RBPJ: variants seen among roughly 807,000 people sequenced by gnomAD.
The protein encoded by RBPJ is recombination signal binding protein for immunoglobulin kappa J region.
In RBPJ, 9 loss-of-function variants were observed where a neutral mutation model predicts 67.8. The observed-to-expected ratio is 0.13, with a 90% CI of 0.08 to 0.23. RBPJ has a LOEUF of 0.23. Ranked by LOEUF, RBPJ falls within the 10% of genes least tolerant of loss-of-function variation. The pLI is 1.00. For missense variants in RBPJ, 305 were observed against 595.6 expected (o/e 0.51, Z 5.08); for synonymous variants, 198 against 203.3 (o/e 0.97, Z 0.22).
the RBPJ span, chr4:26,113,160 T>A: frequency 2.2e-5 from 5 of 231,254 alleles, no homozygotes; most frequent in East Asian, 4.9e-4. Flanking sequence ...CCCATGAATA[T>A]AAATTGAGTG....
At chr4:26,369,625 C>T (rs921954933) in intron 1 of RBPJ, among the ~76,000 whole-genome samples, 1 of 152,076 alleles carries the variant, frequency 6.6e-6, no homozygotes, top group African/African-American at 2.4e-5. Flanking sequence ...GCTCATATTC[C>T]ACAGAAGAAA....
chr4:26,259,457 A>G (rs541689747), intron 1 of RBPJ, among the ~76,000 whole-genome samples: 81 of 152,322 alleles, frequency 5.3e-4, no homozygotes, highest in African/African-American at 1.9e-3. Flanking sequence ...GACCACTTCC[A>G]TCTCTTGGTA....
intron 1 of RBPJ, among the ~76,000 whole-genome samples, chr4:26,164,751 A>G (rs1716201698): frequency 6.6e-6 from 1 of 152,198 alleles, no homozygotes; most frequent in Non-Finnish European, 1.5e-5. Flanking sequence ...CTGCACAAAA[A>G]GAGTTAAAAA....
chr4:26,133,239 G>A, the RBPJ span, among the ~76,000 whole-genome samples: 1 of 152,206 alleles, frequency 6.6e-6, no homozygotes, highest in Non-Finnish European at 1.5e-5. Flanking sequence ...TCTTGACTTT[G>A]GGAATTCGTT....
At chr4:26,308,851 C>T (rs1315385486) in intron 1 of RBPJ, among the ~76,000 whole-genome samples, 1 of 152,040 alleles carries the variant, frequency 6.6e-6, no homozygotes, top group Non-Finnish European at 1.5e-5. Flanking sequence ...GTGATAAAGG[C>T]CATCTGTGTT....
intron 1 of RBPJ, among the ~76,000 whole-genome samples, chr4:26,255,146 T>C (rs1447548932): frequency 1.3e-5 from 2 of 148,588 alleles, no homozygotes; most frequent in African/African-American, 5.0e-5. Flanking sequence ...GGCTCACGCC[T>C]GTAATCCCAG....
chr4:26,174,684 G>T (rs1716733374), intron 1 of RBPJ, among the ~76,000 whole-genome samples: 1 of 152,052 alleles, frequency 6.6e-6, no homozygotes, highest in Admixed American at 6.6e-5. Context: ...TGGCAAGGCT[G>T]GTCTCGAACT....
At chr4:26,286,052 T>TGATCGTGCCGCTGCAGTGCGCTAA (rs1721454713) in intron 1 of RBPJ, among the ~76,000 whole-genome samples, 1 of 152,186 alleles carries the variant, frequency 6.6e-6, no homozygotes, top group Non-Finnish European at 1.5e-5. Context: ...CAGTGCGCTA[T>TGATCGTGCCGCTGCAGTGCGCTAA]GATCGTGCCG....
chr4:26,330,024 G>A (rs1724068849), intron 1 of RBPJ, among the ~76,000 whole-genome samples: 1 of 152,170 alleles, frequency 6.6e-6, no homozygotes, highest in African/African-American at 2.4e-5. Flanking sequence ...ACCCCCTTCA[G>A]AAGGGAGGGT....
chr4:26,348,240 C>G (rs1419601706), intron 1 of RBPJ, among the ~76,000 whole-genome samples: 1 of 152,156 alleles, frequency 6.6e-6, no homozygotes, highest in Non-Finnish European at 1.5e-5. Context: ...GGATTACAGG[C>G]CTGAGCCATC....
intron 7 of RBPJ, among the ~76,000 whole-genome samples, chr4:26,427,247 G>GT (rs1735769651): frequency 6.6e-6 from 1 of 152,158 alleles, no homozygotes; most frequent in African/African-American, 2.4e-5. Flanking sequence ...GACTCTTAAG[G>GT]TTTTTGGATT....
chr4:26,239,327 G>C (rs759228226), intron 1 of RBPJ, among the ~76,000 whole-genome samples: 1 of 152,156 alleles, frequency 6.6e-6, no homozygotes, highest in South Asian at 2.1e-4. Context: ...ATTTCTTTCT[G>C]AATAAGCAGT....
chr4:26,321,092 G>C (rs372180812), intron 1 of RBPJ, 44 bp downstream of exon 1: 62 of 1,504,380 alleles, frequency 4.1e-5, no homozygotes, highest in Non-Finnish European at 5.4e-5. Context: ...GGAAAGTTGC[G>C]GGCGTCTGGC....
chr4:26,134,610 C>T, the RBPJ span, among the ~76,000 whole-genome samples: 1 of 152,230 alleles, frequency 6.6e-6, no homozygotes, highest in African/African-American at 2.4e-5. Flanking sequence ...CCCAGTGCTT[C>T]CCTAGCCCAT....
intron 2 of RBPJ, among the ~76,000 whole-genome samples, chr4:26,404,091 C>G (rs1218195228): frequency 2.0e-5 from 3 of 152,142 alleles, no homozygotes; most frequent in African/African-American, 2.4e-5. Context: ...GATGGTGTCT[C>G]ATTGTGATTT....
chr4:26,134,252 T>C, the RBPJ span, among the ~76,000 whole-genome samples: 5 of 152,312 alleles, frequency 3.3e-5, no homozygotes, highest in Admixed American at 3.3e-4. Flanking sequence ...AAACGCCTTT[T>C]CACAACTTAG....
At position 26,239,588 on chromosome 4, in the gene RBPJ, T is replaced by C. The variant is rs373709694; in HGVS notation, c.-167+75974T>C. On this transcript the variant is annotated intron_variant, in intron 1 of 4. Transcript: ENST00000512351. ...CTTTGCTCCAAGTGACCTCTGCCTG[T>C]ACTAAAAGCAAATGTCAACCAAGGA... Among the ~76,000 whole-genome samples, 5 of 152,192 alleles carry C rather than the reference T, an allele frequency of 3.3e-5. No homozygotes were observed. In the East Asian group the frequency reaches 7.7e-4, roughly 23 times the overall value.
chr4:26,405,632 G>A (rs868071252), intron 2 of RBPJ, among the ~76,000 whole-genome samples: 1 of 151,848 alleles, frequency 6.6e-6, no homozygotes, highest in African/African-American at 2.4e-5. Flanking sequence ...AGATAATTAT[G>A]TATTCGTATG....
chr4:26,386,232 A>T, intron 1 of RBPJ, 121 bp from the exon 2 acceptor site: 1 of 660,578 alleles, frequency 1.5e-6, no homozygotes, highest in Non-Finnish European at 2.6e-6. Context: ...TTCTGTCTTC[A>T]TGTTCTTCAG....
Sources: gnomAD v4.1 joint callset for allele counts (sites outside exome capture counted in the v4.1 genomes callset) on GRCh38, gnomAD v4.1.1 for gene constraint, MANE v1.5 for transcripts, NCBI Gene and HGNC (gene_info 2026-07-23, HGNC 2026-07-21) for gene names.